The following FBXO42 variants were observed in gnomAD, a reference collection of about 807,000 sequenced individuals.
The protein encoded by FBXO42 is F-box only protein 42.
In FBXO42, 12 loss-of-function variants were observed where a neutral mutation model predicts 71.7. That is an observed-to-expected ratio of 0.17 (90% CI 0.11 to 0.27). FBXO42 has a LOEUF of 0.27. Ranked by LOEUF, FBXO42 falls within the 10% of genes least tolerant of loss-of-function variation. FBXO42 has a pLI of 1.00. For missense variants in FBXO42, 707 were observed against 911.9 expected, an observed-to-expected ratio of 0.78 and a Z score of 2.89; for synonymous variants, 325 against 327.5, an observed-to-expected ratio of 0.99 and a Z score of 0.08.
chr1:16,294,766 A>T lies in FBXO42; in HGVS notation c.502+17T>A. ...GTCACCTGGTAAGGAGGCAAAGATC[A>T]GCATTTCATCTCTTACCTGAAGCCA... is the stretch of plus-strand genomic sequence containing the variant. On this transcript the variant is annotated intron_variant, in intron 4 of 9. Coordinates refer to ENST00000375592, the MANE Select transcript of FBXO42 (RefSeq NM_018994.3). The T allele has an allele frequency of 6.2e-7, 1 of 1,611,700 alleles. No homozygotes were observed.
chr1:16,302,810 GA>G, intron 3 of FBXO42, among the ~76,000 whole-genome samples: 1 of 152,150 alleles, frequency 6.6e-6, no homozygotes, highest in African/African-American at 2.4e-5. Context: ...GCGGCCAGCC[GA>G]AACCGCCACT....
chr1:16,314,925 A>C (rs1025719856), intron 2 of FBXO42, among the ~76,000 whole-genome samples: 1 of 152,016 alleles, frequency 6.6e-6, no homozygotes, highest in Middle Eastern at 3.2e-3. Context: ...AACCAGATCA[A>C]CTCTAAGAAT....
At chr1:16,310,484 T>C (rs548178617) in intron 2 of FBXO42, among the ~76,000 whole-genome samples, 1 of 152,146 alleles carries the variant, frequency 6.6e-6, no homozygotes, top group East Asian at 1.9e-4. Flanking sequence ...TGAGCCCTGA[T>C]CACGCCACTA....
chr1:16,280,398 T>G (rs2081950681), intron 4 of FBXO42, among the ~76,000 whole-genome samples: 1 of 152,310 alleles, frequency 6.6e-6, no homozygotes, highest in South Asian at 2.1e-4. Context: ...GATGGGATCT[T>G]AGAACAGAAA....
Position 16,251,878 on chromosome 1 carries a change from C to T in FBXO42, c.1039-93G>A. ...TTTATCATGAGCATCTGTCATGTGC[C>T]AGACATTTTGTAGGTACCTGAGATA... On this transcript the variant is annotated intron_variant, in intron 9 of 9. Coordinates refer to ENST00000375592, the MANE Select transcript of FBXO42 (RefSeq NM_018994.3). This position sits in a 1 kb window ranked among gnomAD's most constrained non-coding sequence, Gnocchi z 4.5. 2 of 1,465,930 alleles carry T rather than the reference C, an allele frequency of 1.4e-6. No individual in the cohort carries two copies. The highest frequency in any genetic ancestry group is 1.8e-6 in the Non-Finnish European group (2 of 1,093,012). 90.8% of individuals were successfully genotyped at this position (1,465,930 alleles called of 1,614,324 possible).
intron 3 of FBXO42, among the ~76,000 whole-genome samples, chr1:16,298,602 T>C (rs532971914): frequency 2.6e-5 from 4 of 152,098 alleles, no homozygotes; most frequent in South Asian, 4.1e-4. Flanking sequence ...CTCCGCCTCC[T>C]AGGTTCAAGT....
chr1:16,273,454 A>C (rs1461239790), intron 4 of FBXO42, among the ~76,000 whole-genome samples: 1 of 152,186 alleles, frequency 6.6e-6, no homozygotes, highest in Admixed American at 6.6e-5. Context: ...TGCTATGTCT[A>C]AAATATCTCT....
At chr1:16,317,871 A>G (rs2082381943) in intron 1 of FBXO42, among the ~76,000 whole-genome samples, 1 of 150,394 alleles carries the variant, frequency 6.6e-6, no homozygotes, top group African/African-American at 2.5e-5. Context: ...GGAAGCCATG[A>G]CCACACCACT....
chr1:16,316,334 T>C (rs1171003949), intron 1 of FBXO42, among the ~76,000 whole-genome samples: 1 of 152,116 alleles, frequency 6.6e-6, no homozygotes, highest in African/African-American at 2.4e-5. Flanking sequence ...AAAATATCTC[T>C]TTTGTTACTG....
At chr1:16,278,292 G>T (rs979818359) in intron 4 of FBXO42, among the ~76,000 whole-genome samples, 10 of 151,764 alleles carry the variant, frequency 6.6e-5, no homozygotes, top group Non-Finnish European at 1.3e-4. Context: ...GGAGGCGGAG[G>T]TTGCAGTGAG....
intron 4 of FBXO42, among the ~76,000 whole-genome samples, chr1:16,287,498 C>A (rs746026413): frequency 1.3e-5 from 2 of 152,154 alleles, no homozygotes; most frequent in African/African-American, 2.4e-5. Flanking sequence ...GCATATAGAA[C>A]AATACCAGGG....
chr1:16,250,530 G>T lies in FBXO42; in HGVS notation c.*140C>A. On this transcript the variant is annotated 3_prime_UTR_variant, in exon 10 of 10. Transcript: ENST00000375592. This position sits in a 1 kb window ranked among gnomAD's most constrained non-coding sequence, Gnocchi z 4.7. ...TTTTCTTAATGGAGATTTGATCCCA[G>T]CCTGGAGTGACTTCGGTTGGGAATT... 1 of 726,754 alleles carries T rather than the reference G, an allele frequency of 1.4e-6. No homozygotes were observed. The highest frequency in any genetic ancestry group is 2.2e-6 in the Non-Finnish European group (1 of 464,648). The allele number at this position is 726,754 out of a possible 1,614,324, so 45.0% of individuals were successfully genotyped here. A position where few individuals can be genotyped will look rare whatever the true frequency, so the allele number is the denominator to read the frequency against.
In FBXO42 at chr1:16,292,086, C is replaced by G. The variant is rs560220389; in HGVS notation, c.502+2697G>C. 2.0e-5 allele frequency among the ~76,000 whole-genome samples: 3 copies of G among 152,306 alleles called. No homozygotes were observed. In the South Asian group the frequency reaches 6.2e-4, roughly 32 times the overall value. ...ATTAGGATGAGGGAGTAACTAGATTCTTTGAGACATTTTGTTAGAAAATTA... is the reference window on the plus strand; with the variant it reads ...ATTAGGATGAGGGAGTAACTAGATTGTTTGAGACATTTTGTTAGAAAATTA... On this transcript the variant is annotated intron_variant, in intron 4 of 9. Coordinates refer to ENST00000375592, the MANE Select transcript of FBXO42 (RefSeq NM_018994.3).
intron 4 of FBXO42, among the ~76,000 whole-genome samples, chr1:16,263,107 C>A (rs2081732467): frequency 6.6e-6 from 1 of 152,004 alleles, no homozygotes. Flanking sequence ...ACAAGAAAAG[C>A]CATATTCAAA....
chr1:16,312,002 T>C (rs2082317411), intron 2 of FBXO42, among the ~76,000 whole-genome samples: 1 of 151,988 alleles, frequency 6.6e-6, no homozygotes, highest in African/African-American at 2.4e-5. Flanking sequence ...AAACAAACTG[T>C]GGTGCATCTA....
chr1:16,314,796 A>G (rs1363789793), intron 2 of FBXO42, among the ~76,000 whole-genome samples: 2 of 152,000 alleles, frequency 1.3e-5, no homozygotes, highest in East Asian at 3.9e-4. Context: ...AGGCAGGTGA[A>G]TAACATGACC....
intron 4 of FBXO42, among the ~76,000 whole-genome samples, chr1:16,269,981 A>G (rs1373606232): frequency 1.3e-5 from 2 of 152,074 alleles, no homozygotes; most frequent in Non-Finnish European, 2.9e-5. Context: ...TCAGCCTTCC[A>G]AGTAGATGGG....
chr1:16,290,326 T>C (rs1223050245), intron 4 of FBXO42, among the ~76,000 whole-genome samples: 1 of 152,166 alleles, frequency 6.6e-6, no homozygotes, highest in Non-Finnish European at 1.5e-5. Context: ...ATGGTGGAGA[T>C]GAAGCCTTTG....
intron 1 of FBXO42, among the ~76,000 whole-genome samples, chr1:16,327,347 C>T (rs2082460199): frequency 6.6e-6 from 1 of 152,150 alleles, no homozygotes; most frequent in Non-Finnish European, 1.5e-5. Flanking sequence ...ATGTATTTTT[C>T]TTCACTGACG....
Sources: gnomAD v4.1 joint callset for allele counts (sites outside exome capture counted in the v4.1 genomes callset) on GRCh38, gnomAD v4.1.1 for gene constraint, Gnocchi (gnomAD v3.1) non-coding constraint, MANE v1.5 for transcripts, NCBI Gene and HGNC (gene_info 2026-07-23, HGNC 2026-07-21) for gene names.